The following EDDM13 variants were observed in gnomAD, a reference collection of about 807,000 sequenced individuals.
The protein encoded by EDDM13 is epididymal protein 13.
In EDDM13, 24 loss-of-function variants were observed where a neutral mutation model predicts 17.8. That is an observed-to-expected ratio of 1.35 (90% CI 0.98 to 1.90). The LOEUF (loss-of-function observed/expected upper bound fraction) is 1.90. Among genes scored for constraint, EDDM13 ranks in the 40% most tolerant of loss-of-function variants. EDDM13 has a pLI of 0.00. For synonymous variants in EDDM13, 31 were observed against 37.5 expected, an observed-to-expected ratio of 0.83 and a Z score of 0.63; for missense variants, 97 against 100.8, an observed-to-expected ratio of 0.96 and a Z score of 0.16.
chr19:56,284,707 T>C (rs1600183020), intron 5 of EDDM13, among the ~76,000 whole-genome samples: 1 of 151,882 alleles, frequency 6.6e-6, no homozygotes, highest in Admixed American at 6.6e-5. Context: ...TAGAAATGGG[T>C]TTGGCCATGT....
intron 9 of EDDM13, among the ~76,000 whole-genome samples, chr19:56,293,395 C>A (rs78457004): frequency 0.042 from 6,330 of 152,250 alleles, 172 homozygotes; most frequent in South Asian, 0.08. Context: ...GTGTTCAAAG[C>A]GGCTCAGACT....
At chr19:56,292,816 C>T (rs1224771743) in intron 9 of EDDM13, among the ~76,000 whole-genome samples, 2 of 152,196 alleles carry the variant, frequency 1.3e-5, no homozygotes, top group African/African-American at 4.8e-5. Flanking sequence ...GAATCGTACA[C>T]GATGTGGTCT....
At chr19:56,287,204 G>T (rs1004580764) in intron 6 of EDDM13, among the ~76,000 whole-genome samples, 2 of 152,204 alleles carry the variant, frequency 1.3e-5, no homozygotes, top group South Asian at 4.1e-4. Context: ...CAACCTGGAA[G>T]TAGAACTCTC....
chr19:56,274,865 T>C (rs1197971531), intron 1 of EDDM13: 2 of 152,212 alleles, frequency 1.3e-5, no homozygotes, highest in African/African-American at 2.4e-5. Context: ...GATTTGTCCT[T>C]AGGATGTGTG....
At chr19:56,282,608 C>A in intron 4 of EDDM13, 109 bp downstream of exon 4, 2 of 616,590 alleles carry the variant, frequency 3.2e-6, no homozygotes, top group Non-Finnish European at 4.1e-6. Context: ...CTGTTCACAG[C>A]TTAGCTTCTA....
At chr19:56,280,213 C>T (rs1321449058) in intron 2 of EDDM13, among the ~76,000 whole-genome samples, 1 of 152,176 alleles carries the variant, frequency 6.6e-6, no homozygotes, top group Non-Finnish European at 1.5e-5. Context: ...ATGCACCTTA[C>T]TTTTTTCACC....
intron 2 of EDDM13, among the ~76,000 whole-genome samples, chr19:56,279,240 G>A (rs2038494154): frequency 6.6e-6 from 1 of 151,850 alleles, no homozygotes; most frequent in African/African-American, 2.4e-5. Flanking sequence ...ATGATACTTC[G>A]AGAATTTCTG....
chr19:56,306,121 A>T (rs1284466584), intron 14 of EDDM13, among the ~76,000 whole-genome samples: 1 of 152,160 alleles, frequency 6.6e-6, no homozygotes, highest in Non-Finnish European at 1.5e-5. Flanking sequence ...AGTGAGAAAG[A>T]GACACGTCCC....
At position 56,302,097 on chromosome 19, in the gene EDDM13, TAAG is replaced by T. The variant is rs370434444; in HGVS notation, c.423+9_423+11del. 167 of 1,231,400 alleles carry T rather than the reference TAAG, an allele frequency of 1.4e-4. No individual in the cohort carries two copies. The African/African-American group carries it at 2.3e-3, about 17-fold the overall frequency. 76.3% of individuals were successfully genotyped at this position (1,231,400 alleles called of 1,614,324 possible). A position where few individuals can be genotyped will look rare whatever the true frequency, so the allele number is the denominator to read the frequency against. On this transcript the variant is annotated splice_donor_5th_base_variant and intron_variant, in intron 13 of 14. Coordinates refer to ENST00000649256, the MANE Select transcript of EDDM13 (RefSeq NM_001354658.2). ...GTATCCTACAACAAAGGGGACTGGG[TAAG>T]AAGAAGGCAGCACGGAGGGGAGGAG...
intron 8 of EDDM13, among the ~76,000 whole-genome samples, chr19:56,289,411 G>C (rs1298526806): frequency 6.6e-6 from 1 of 152,182 alleles, no homozygotes; most frequent in Non-Finnish European, 1.5e-5. Context: ...AAATTTCAAG[G>C]AAGAAAGATG....
intron 2 of EDDM13, among the ~76,000 whole-genome samples, chr19:56,280,061 G>A (rs954638470): frequency 5.9e-5 from 9 of 151,990 alleles, no homozygotes; most frequent in African/African-American, 1.5e-4. Flanking sequence ...TCCCTTCCCC[G>A]AAAGAATCTG....
chr19:56,274,641 C>A lies in EDDM13; in HGVS notation c.86-1451C>A, dbSNP rs1462445570. The A allele has an allele frequency of 2.6e-5, 4 of 152,124 alleles. No individual in the cohort carries two copies. In the South Asian group the frequency reaches 6.2e-4, roughly 24 times the overall value. The allele number at this position is 152,124 out of a possible 1,614,324, so 9.4% of individuals were successfully genotyped here. Reference sequence around the variant, plus strand: ...CAATGACTAAAAGCAAGACCCAACACCAGAACAAAACTATTAAAGAAATTA... The same window carrying A: ...CAATGACTAAAAGCAAGACCCAACAACAGAACAAAACTATTAAAGAAATTA... On this transcript the variant is annotated intron_variant, in intron 1 of 14. Coordinates refer to ENST00000649256, the MANE Select transcript of EDDM13 (RefSeq NM_001354658.2).
At chr19:56,282,541 G>C in intron 4 of EDDM13, 42 bp downstream of exon 4, 1 of 984,320 alleles carries the variant, frequency 1.0e-6, no homozygotes, top group Non-Finnish European at 1.2e-6. Flanking sequence ...GGGTCTGTTT[G>C]CCTTTGTCCA....
At chr19:56,282,629 T>A (rs962071121) in intron 4 of EDDM13, 130 bp downstream of exon 4, 2 of 390,332 alleles carry the variant, frequency 5.1e-6, no homozygotes, top group African/African-American at 4.4e-5. Context: ...ATAGCGGAAC[T>A]AGTAAAACCA....
chr19:56,272,872 T>C lies in EDDM13; in HGVS notation c.38T>C (p.Leu13Pro). 3.0e-6 allele frequency: 3 copies of C among 985,464 alleles called. No individual in the cohort carries two copies. The highest frequency in any genetic ancestry group is 3.6e-6 in the Non-Finnish European group (3 of 829,950). 61.0% of individuals were successfully genotyped at this position (985,464 alleles called of 1,614,324 possible). Residue 13 changes from leucine to proline, a missense_variant, in exon 1 of 15, where the codon CTG (leucine) becomes CCG (proline). Leu to Pro is a moderately conservative substitution (Grantham distance 98). Transcript: ENST00000649256. ...GAGCCATTTCTGAAAATGTCGCTGC[T>C]GATTCTGCTTTTCCTGGGATTGGCA... ...RSEPFLKMSL[L>P]ILLFLGLAEA... is the part of the protein sequence containing the mutation.
At chr19:56,295,654 T>C (rs1342559056) in intron 9 of EDDM13, among the ~76,000 whole-genome samples, 1 of 152,042 alleles carries the variant, frequency 6.6e-6, no homozygotes, top group East Asian at 1.9e-4. Flanking sequence ...GCGTGGCGGC[T>C]TCCTTCCCAG....
chr19:56,306,298 A>G (rs55980097), intron 14 of EDDM13, among the ~76,000 whole-genome samples: 41,046 of 118,516 alleles, frequency 0.35, 6,728 homozygotes, highest in Middle Eastern at 0.53. Context: ...CCTCTCCCGC[A>G]TCGCCAGAGA....
chr19:56,304,241 G>C (rs977806525), intron 13 of EDDM13, among the ~76,000 whole-genome samples: 18 of 152,222 alleles, frequency 1.2e-4, no homozygotes, highest in African/African-American at 4.1e-4. Flanking sequence ...CAGTTCTAAA[G>C]GAACTGCTTA....
chr19:56,296,868 T>C (rs560859300), intron 11 of EDDM13, among the ~76,000 whole-genome samples: 53 of 152,278 alleles, frequency 3.5e-4, no homozygotes, highest in Admixed American at 2.4e-3. Context: ...ACTCCGTCTC[T>C]ACTAAAATAC....
Sources: allele counts gnomAD v4.1 joint callset (sites outside exome capture counted in the v4.1 genomes callset), GRCh38; gene constraint gnomAD v4.1.1; transcripts MANE v1.5; gene names NCBI Gene and HGNC (gene_info 2026-07-23, HGNC 2026-07-21).